RBSN: variants seen among roughly 807,000 people sequenced by gnomAD.
RBSN encodes rabenosyn, RAB effector, also known as rabenosyn-5.
In RBSN, 34 loss-of-function variants were observed where a neutral mutation model predicts 60.5. The ratio of observed to expected loss-of-function variants is 0.56; its 90% CI spans 0.43 to 0.75. RBSN has a LOEUF of 0.75. Ranked by LOEUF, RBSN falls within the 30% of genes least tolerant of loss-of-function variation. RBSN has a pLI of 0.00. For synonymous variants in RBSN, 322 were observed against 366.9 expected (o/e 0.88, Z 1.40); for missense variants, 845 against 986.8 (o/e 0.86, Z 1.92).
At chr3:15,080,106 G>T (rs1447172596) in intron 10 of RBSN, among the ~76,000 whole-genome samples, 1 of 152,088 alleles carries the variant, frequency 6.6e-6, no homozygotes, top group Admixed American at 6.6e-5. Flanking sequence ...TTAGCTGAGC[G>T]TGGTGGTGCG....
chr3:15,075,283 C>T, intron 13 of RBSN: 1 of 608,902 alleles, frequency 1.6e-6, no homozygotes, highest in East Asian at 3.5e-5. Context: ...TTTAATATTG[C>T]ATATACCGAT....
In RBSN at chr3:15,077,967, GCCC is replaced by G; in HGVS notation, c.998+105_998+107del. ...TTCCTTGCCCTCCTCCTCACCCACT[GCCC>G]CATCACCAGAAGTCTGAGTGAGTGC... On this transcript the variant is annotated intron_variant, in intron 11 of 13. Transcript: ENST00000253699. The surrounding 1 kb of genome is among the most constrained non-coding windows in gnomAD (Gnocchi z 4.4). The G allele has an allele frequency of 1.1e-6, 1 of 935,522 alleles. No individual in the cohort carries two copies. Among genetic ancestry groups the G allele is most frequent in the Non-Finnish European group, 1.7e-6 (1 of 584,144 alleles). The allele number at this position is 935,522 out of a possible 1,614,324, so 58.0% of individuals were successfully genotyped here. A position where few individuals can be genotyped will look rare whatever the true frequency, so the allele number is the denominator to read the frequency against.
At chr3:15,081,433 T>C (rs954187599) in intron 9 of RBSN, 1 of 152,330 alleles carries the variant, frequency 6.6e-6, no homozygotes, top group African/African-American at 2.4e-5. Flanking sequence ...AGGGCTTACT[T>C]CAAAAGAGGA....
At position 15,080,714 on chromosome 3, in the gene RBSN, CAT is replaced by C; in HGVS notation, c.911+16_911+17del. 1.3e-6 allele frequency: 2 copies of C among 1,597,006 alleles called. No individual in the cohort carries two copies. The highest frequency in any genetic ancestry group is 2.3e-5 in the East Asian group (1 of 43,646). On this transcript the variant is annotated intron_variant, in intron 10 of 13. Transcript: ENST00000253699. ...AACAGTCACCACTGGATTAGAAAAA[CAT>C]AGATGAATAGCTTACTTTAATGATG...
chr3:15,076,120 C>T (rs1286310580), intron 12 of RBSN, among the ~76,000 whole-genome samples: 2 of 152,028 alleles, frequency 1.3e-5, no homozygotes, highest in African/African-American at 4.8e-5. Flanking sequence ...AGAACATAAG[C>T]TTAATGAGAA....
At position 15,074,853 on chromosome 3, in the gene RBSN, T is replaced by A. The variant is rs1214692440; in HGVS notation, c.1284A>T (p.Ala428=). Residue 428 remains alanine, a synonymous_variant, in exon 14 of 14, where the codon GCA becomes GCT. Coordinates refer to ENST00000253699, the MANE Select transcript of RBSN (RefSeq NM_022340.4). The surrounding 1 kb of genome is among the most constrained non-coding windows in gnomAD (Gnocchi z 6.4). ...LASRAANGEV[A]SLRRGPAPLR... is the part of the protein sequence containing the mutation. ...AGGGGGCAGGGCCCCTGCGGAGAGA[T>A]GCCACCTCCCCGTTGGCCGCTCGAG... 1 of 1,614,176 alleles carries A rather than the reference T, an allele frequency of 6.2e-7. No individual in the cohort carries two copies. Among genetic ancestry groups the A allele is most frequent in the East Asian group, 2.2e-5 (1 of 44,890 alleles).
At chr3:15,075,155 C>A in intron 13 of RBSN, 1 of 613,342 alleles carries the variant, frequency 1.6e-6, no homozygotes, top group Admixed American at 3.0e-5. Flanking sequence ...TAAGTTAGGG[C>A]ATCAGATTTT....
At chr3:15,090,192 T>C (rs1422011871) in intron 5 of RBSN, among the ~76,000 whole-genome samples, 1 of 152,128 alleles carries the variant, frequency 6.6e-6, no homozygotes, top group East Asian at 1.9e-4. Context: ...AGACCATGGG[T>C]ATAAGGCACT....
chr3:15,091,210 CAAAA>C (rs55655564), intron 4 of RBSN: 87 of 115,866 alleles, frequency 7.5e-4, no homozygotes, highest in South Asian at 3.0e-3. Context: ...GACCCTGTCT[CAAAA>C]AAAAAAAAAA....
chr3:15,077,249 G>A lies in RBSN; in HGVS notation c.999-85C>T. 8.6e-7 allele frequency: 1 copy of A among 1,161,892 alleles called. No homozygotes were observed. Among genetic ancestry groups the A allele is most frequent in the Non-Finnish European group, 1.3e-6 (1 of 775,934 alleles). 72.0% of individuals were successfully genotyped at this position (1,161,892 alleles called of 1,614,324 possible). A position where few individuals can be genotyped will look rare whatever the true frequency, so the allele number is the denominator to read the frequency against. On this transcript the variant is annotated intron_variant, in intron 11 of 13. Coordinates refer to ENST00000253699, the MANE Select transcript of RBSN (RefSeq NM_022340.4). This position sits in a 1 kb window ranked among gnomAD's most constrained non-coding sequence, Gnocchi z 4.4. ...AAAGTATAACATCTGGAGTTGCCAG[G>A]CTTTCATGCCAGGAAGGTGTGTAAA... is the stretch of plus-strand genomic sequence containing the variant.
intron 5 of RBSN, among the ~76,000 whole-genome samples, chr3:15,089,478 C>CAAAAA (rs796324060): frequency 6.3e-5 from 5 of 79,252 alleles, no homozygotes; most frequent in Non-Finnish European, 1.0e-4. Context: ...AAAAAAAAAA[C>CAAAAA]AAAAAAAAAA....
chr3:15,080,026 C>T (rs1467798110), intron 10 of RBSN, among the ~76,000 whole-genome samples: 5 of 152,116 alleles, frequency 3.3e-5, no homozygotes, highest in Non-Finnish European at 5.9e-5. Context: ...GGGTGGATCA[C>T]GAGGTCAAGA....
rs1248937302 is a variant in RBSN at position 15,074,362 on chromosome 3, C to A, written c.1775G>T (p.Ser592Ile). 5 of 1,613,956 alleles carry A rather than the reference C, an allele frequency of 3.1e-6. No individual in the cohort carries two copies. Among genetic ancestry groups the A allele is most frequent in the Non-Finnish European group, 4.2e-6 (5 of 1,180,022 alleles). ...SSTAPKTPSL[S>I]STQPTRVWSG... is the part of the protein sequence containing the mutation. ...CCACACTCTGGTGGGTTGAGTTGAG[C>A]TAAGTGAAGGGGTCTTGGGAGCTGT... Residue 592 changes from serine (S) to isoleucine (I), a missense_variant, in exon 14 of 14, where the codon AGC becomes ATC. By Grantham distance (142) the Ser-to-Ile change is moderately radical (BLOSUM62 -2). Transcript: ENST00000253699. The surrounding 1 kb of genome is among the most constrained non-coding windows in gnomAD (Gnocchi z 6.4).
chr3:15,074,853 T>G lies in RBSN; in HGVS notation c.1284A>C (p.Ala428=), dbSNP rs1214692440. 2.5e-6 allele frequency: 4 copies of G among 1,614,058 alleles called. No individual in the cohort carries two copies. Among genetic ancestry groups the G allele is most frequent in the East Asian group, 2.2e-5 (1 of 44,902 alleles). ...LASRAANGEV[A]SLRRGPAPLR... Reference sequence around the variant, plus strand: ...AGGGGGCAGGGCCCCTGCGGAGAGATGCCACCTCCCCGTTGGCCGCTCGAG... The same window carrying G: ...AGGGGGCAGGGCCCCTGCGGAGAGAGGCCACCTCCCCGTTGGCCGCTCGAG... The change falls in exon 14 of 14, where the codon GCA becomes GCC. Residue 428 remains alanine (A), a synonymous_variant. Transcript: ENST00000253699. The surrounding 1 kb of genome is among the most constrained non-coding windows in gnomAD (Gnocchi z 6.4).
chr3:15,079,356 C>T (rs965439328), intron 10 of RBSN, among the ~76,000 whole-genome samples: 4 of 152,096 alleles, frequency 2.6e-5, no homozygotes, highest in African/African-American at 9.7e-5. Flanking sequence ...TTCCACAAAA[C>T]GATTTAGCAA....
At chr3:15,085,171 C>A in intron 6 of RBSN, 126 bp from the exon 7 acceptor site, 6 of 1,138,114 alleles carry the variant, frequency 5.3e-6, no homozygotes, top group Non-Finnish European at 5.1e-6. Context: ...TCATCCCCAA[C>A]GCCACAAAAT....
intron 5 of RBSN, among the ~76,000 whole-genome samples, chr3:15,089,590 A>G (rs1386361856): frequency 1.3e-5 from 2 of 149,414 alleles, no homozygotes; most frequent in African/African-American, 2.4e-5. Context: ...AAGCAAATTC[A>G]GTGGTTTTTA....
In RBSN at chr3:15,078,143, G is replaced by A. The variant is rs1435404625; in HGVS notation, c.930C>T (p.Tyr310=). Residue 310 remains tyrosine, a synonymous_variant, in exon 11 of 14, where the codon TAC becomes TAT. Transcript: ENST00000253699. ...GAAGGTCACTGGCATGTTCCAGACT[G>A]TAGGTTGTCTCCCCAGCACTAAGGA... ...AASLNAGETT[Y]SLEHASDLRV... is the part of the protein sequence containing the mutation. 6.2e-7 allele frequency: 1 copy of A among 1,614,176 alleles called. No homozygotes were observed. The highest frequency in any genetic ancestry group is 1.1e-5 in the South Asian group (1 of 91,090).
rs118059982 is a variant in RBSN, at chr3:15,085,427, G to A, written c.391-382C>T. Among the ~76,000 whole-genome samples, 178 of 152,314 alleles carry A rather than the reference G, an allele frequency of 1.2e-3. 4 individuals carry two copies. The East Asian group carries it at 0.032, about 27-fold the overall frequency. The stretch of plus-strand genomic sequence containing the variant: ...AAAGTACACATAAAGAACTGTACTT[G>A]TGCTTGCTACTATGCCCAGCACACA... On this transcript the variant is annotated intron_variant, in intron 6 of 13. Transcript: ENST00000253699.
Sources: allele counts gnomAD v4.1 joint callset (sites outside exome capture counted in the v4.1 genomes callset), GRCh38; gene constraint gnomAD v4.1.1; non-coding constraint Gnocchi (gnomAD v3.1); transcripts MANE v1.5; gene names NCBI Gene and HGNC (gene_info 2026-07-23, HGNC 2026-07-21).